ARFIP1: variants seen among roughly 807,000 people sequenced by gnomAD.
The protein encoded by ARFIP1 is ARF interacting protein 1.
In ARFIP1, 24 loss-of-function variants were observed where a neutral mutation model predicts 42.5. That is an observed-to-expected ratio of 0.57 (90% CI 0.41 to 0.80). The LOEUF is 0.80. Among genes scored for constraint, ARFIP1 ranks in the 30% least tolerant of loss-of-function variants. ARFIP1 has a pLI of 0.00. For missense variants in ARFIP1, 354 were observed against 434.0 expected (o/e 0.82, Z 1.64); for synonymous variants, 141 against 153.7 (o/e 0.92, Z 0.61).
At chr4:152,873,706 T>C (rs1035992592) in intron 5 of ARFIP1, among the ~76,000 whole-genome samples, 2 of 152,196 alleles carry the variant, frequency 1.3e-5, no homozygotes, top group Non-Finnish European at 2.9e-5. Flanking sequence ...TTCACAGCCA[T>C]AGTTCATATT....
chr4:152,891,542 T>G (rs1736850731), intron 8 of ARFIP1, among the ~76,000 whole-genome samples: 1 of 152,198 alleles, frequency 6.6e-6, no homozygotes. Context: ...AAGCAGGTTT[T>G]TAGCCTAGGA....
intron 8 of ARFIP1, among the ~76,000 whole-genome samples, chr4:152,901,638 A>G (rs749697432): frequency 2.0e-5 from 3 of 152,152 alleles, no homozygotes; most frequent in Non-Finnish European, 2.9e-5. Flanking sequence ...ATTCCATTAT[A>G]ATTGTTACCT....
intron 8 of ARFIP1, among the ~76,000 whole-genome samples, chr4:152,891,589 T>G (rs547263851): frequency 4.2e-4 from 64 of 152,330 alleles, no homozygotes; most frequent in African/African-American, 1.5e-3. Flanking sequence ...TAATTTGAAA[T>G]GCCTCAAGTC....
intron 1 of ARFIP1, among the ~76,000 whole-genome samples, chr4:152,812,092 G>C (rs565285478): frequency 5.9e-5 from 9 of 152,202 alleles, no homozygotes; most frequent in Admixed American, 2.6e-4. Context: ...TCACAAACCC[G>C]GAACAATACA....
intron 1 of ARFIP1, among the ~76,000 whole-genome samples, chr4:152,789,080 C>CTTTTTTT (rs71598215): frequency 2.8e-5 from 2 of 71,862 alleles, no homozygotes; most frequent in Non-Finnish European, 2.6e-5. Flanking sequence ...AGAATACAGA[C>CTTTTTTT]TTTTTTTTTT....
intron 8 of ARFIP1, among the ~76,000 whole-genome samples, chr4:152,889,797 C>CTATATA (rs754706965): frequency 4.9e-5 from 1 of 20,494 alleles, no homozygotes; most frequent in African/African-American, 2.2e-4. Context: ...ATATTATATA[C>CTATATA]TATACTATAT....
At chr4:152,795,333 T>C (rs1276331907) in intron 1 of ARFIP1, among the ~76,000 whole-genome samples, 1 of 152,178 alleles carries the variant, frequency 6.6e-6, no homozygotes, top group Non-Finnish European at 1.5e-5. Flanking sequence ...CACTTCATAT[T>C]ATAGAGATTT....
intron 2 of ARFIP1, among the ~76,000 whole-genome samples, chr4:152,838,153 A>G (rs1312296919): frequency 6.6e-6 from 1 of 152,196 alleles, no homozygotes; most frequent in Non-Finnish European, 1.5e-5. Context: ...TCTTTATACC[A>G]GTACCACACT....
At chr4:152,852,332 TA>T (rs1424591444) in intron 2 of ARFIP1, among the ~76,000 whole-genome samples, 1 of 152,146 alleles carries the variant, frequency 6.6e-6, no homozygotes, top group Non-Finnish European at 1.5e-5. Context: ...CTGATACACT[TA>T]AAAAATTTAA....
chr4:152,880,326 A>G (rs1735726489), intron 5 of ARFIP1, among the ~76,000 whole-genome samples: 1 of 151,618 alleles, frequency 6.6e-6, no homozygotes, highest in African/African-American at 2.4e-5. Flanking sequence ...CAGCCTGGGC[A>G]ATAGAGAGAG....
At position 152,881,031 on chromosome 4, in the gene ARFIP1, T is replaced by G; in HGVS notation, c.480T>G (p.Ala160=). The part of the protein sequence containing the change: ...GSRTVDLELE[A]QIDILRDNKK... The stretch of plus-strand genomic sequence containing the variant: ...GAACTGTGGACCTTGAACTTGAAGC[T>G]CAGATTGATATATTAAGGGATAACA... Residue 160 remains alanine, a synonymous_variant, in exon 6 of 9, where the codon GCT becomes GCG. Coordinates refer to ENST00000353617, the MANE Select transcript of ARFIP1 (RefSeq NM_001025595.3). The G allele has an allele frequency of 1.2e-6, 2 of 1,613,918 alleles. No individual in the cohort carries two copies. The highest frequency in any genetic ancestry group is 1.7e-6 in the Non-Finnish European group (2 of 1,179,874).
At chr4:152,832,595 A>G (rs181579897) in intron 2 of ARFIP1, among the ~76,000 whole-genome samples, 343 of 152,324 alleles carry the variant, frequency 2.3e-3, no homozygotes, top group Non-Finnish European at 3.0e-3. Flanking sequence ...ATGAAGTCCA[A>G]TTTCTCAGTG....
intron 1 of ARFIP1, among the ~76,000 whole-genome samples, chr4:152,790,728 C>CTTTTTTTT (rs781615063): frequency 9.4e-6 from 1 of 106,058 alleles, no homozygotes; most frequent in Non-Finnish European, 1.9e-5. Flanking sequence ...ATGTGTTTAT[C>CTTTTTTTT]TTTTTTTTTT....
intron 2 of ARFIP1, among the ~76,000 whole-genome samples, chr4:152,832,631 C>T (rs944170763): frequency 2.0e-5 from 3 of 152,050 alleles, no homozygotes; most frequent in South Asian, 4.1e-4. Context: ...ATTTTTATGT[C>T]GCATTTAAGA....
At chr4:152,821,164 TAAAG>T (rs1328600343) in intron 1 of ARFIP1, among the ~76,000 whole-genome samples, 1 of 151,914 alleles carries the variant, frequency 6.6e-6, no homozygotes, top group Non-Finnish European at 1.5e-5. Context: ...AAATACCAGA[TAAAG>T]AACTCAAAAG....
intron 1 of ARFIP1, among the ~76,000 whole-genome samples, chr4:152,783,392 C>T (rs1468497694): frequency 6.6e-6 from 1 of 152,184 alleles, no homozygotes; most frequent in Non-Finnish European, 1.5e-5. Context: ...TATTTTATAT[C>T]TAACACTGTA....
intron 8 of ARFIP1, among the ~76,000 whole-genome samples, chr4:152,888,565 A>T (rs186116566): frequency 6.6e-6 from 1 of 152,278 alleles, no homozygotes; most frequent in East Asian, 1.9e-4. Context: ...TGATCTTTGG[A>T]TTGGCGTTGA....
At chr4:152,848,281 T>C (rs1732721164) in intron 2 of ARFIP1, among the ~76,000 whole-genome samples, 1 of 152,186 alleles carries the variant, frequency 6.6e-6, no homozygotes, top group African/African-American at 2.4e-5. Context: ...GTAACAGTTT[T>C]TGGCACTTAC....
intron 1 of ARFIP1, among the ~76,000 whole-genome samples, chr4:152,786,873 A>T (rs191507448): frequency 6.6e-6 from 1 of 152,254 alleles, no homozygotes; most frequent in Non-Finnish European, 1.5e-5. Context: ...CTCTGTCTGG[A>T]CCATTCTTTC....
Sources: gnomAD v4.1 joint callset for allele counts (sites outside exome capture counted in the v4.1 genomes callset) on GRCh38, gnomAD v4.1.1 for gene constraint, MANE v1.5 for transcripts, NCBI Gene and HGNC (gene_info 2026-07-23, HGNC 2026-07-21) for gene names.